The following ZNF385D variants were observed in gnomAD, a reference collection of about 807,000 sequenced individuals.
ZNF385D encodes the protein zinc finger protein 659.
A neutral mutation model predicts 35.8 loss-of-function variants in ZNF385D; 15 were observed. The ratio of observed to expected loss-of-function variants is 0.42; its 90% CI spans 0.28 to 0.64. ZNF385D has a LOEUF of 0.64. Ranked by LOEUF, ZNF385D falls within the 30% of genes least tolerant of loss-of-function variation. The pLI, the probability that ZNF385D is intolerant of heterozygous loss-of-function variation, is 0.23. For missense variants in ZNF385D, 474 were observed against 494.6 expected, an observed-to-expected ratio of 0.96 and a Z score of 0.39; for synonymous variants, 212 against 186.8, an observed-to-expected ratio of 1.13 and a Z score of -1.10.
At chr3:21,686,887 A>T (rs2125330701) in intron 1 of ZNF385D, among the ~76,000 whole-genome samples, 1 of 152,316 alleles carries the variant, frequency 6.6e-6, no homozygotes, top group Admixed American at 6.5e-5. Context: ...CCCTGGGACA[A>T]GTTAAATACA....
chr3:21,530,753 C>T (rs1340728482), intron 3 of ZNF385D, among the ~76,000 whole-genome samples: 1 of 152,126 alleles, frequency 6.6e-6, no homozygotes, highest in African/African-American at 2.4e-5. Context: ...GTACCCATCA[C>T]TGCTCTATGT....
intron 2 of ZNF385D, among the ~76,000 whole-genome samples, chr3:22,260,240 A>G (rs1197911334): frequency 6.6e-6 from 1 of 152,062 alleles, no homozygotes; most frequent in Non-Finnish European, 1.5e-5. Context: ...ACACAGGAAC[A>G]GAAAACCAAA....
chr3:21,731,005 T>C (rs2068970573), intron 1 of ZNF385D, among the ~76,000 whole-genome samples: 3 of 152,222 alleles, frequency 2.0e-5, no homozygotes, highest in Admixed American at 2.0e-4. Context: ...ATGATATGTC[T>C]AAGTAAACTT....
chr3:22,073,083 T>G (rs1290960543), intron 3 of ZNF385D, among the ~76,000 whole-genome samples: 2 of 151,932 alleles, frequency 1.3e-5, no homozygotes, highest in Non-Finnish European at 1.5e-5. Flanking sequence ...AGGAAAAATG[T>G]AGCAATCCAT....
intron 3 of ZNF385D, among the ~76,000 whole-genome samples, chr3:21,842,171 G>A (rs1281037595): frequency 1.3e-5 from 2 of 151,958 alleles, no homozygotes; most frequent in African/African-American, 4.8e-5. Context: ...AATTCAATAT[G>A]TAATCTTTTC....
At chr3:21,576,010 T>A (rs2125690955) in intron 2 of ZNF385D, among the ~76,000 whole-genome samples, 1 of 152,308 alleles carries the variant, frequency 6.6e-6, no homozygotes, top group South Asian at 2.1e-4. Context: ...CAATGGCATA[T>A]GGGAGAATGA....
chr3:21,602,170 T>C (rs1255928658), intron 2 of ZNF385D, among the ~76,000 whole-genome samples: 1 of 152,072 alleles, frequency 6.6e-6, no homozygotes, highest in Non-Finnish European at 1.5e-5. Context: ...TGGGACTTAT[T>C]CACTACCAGG....
At chr3:21,970,817 G>A (rs934924200) in intron 3 of ZNF385D, among the ~76,000 whole-genome samples, 2 of 151,818 alleles carry the variant, frequency 1.3e-5, no homozygotes, top group Non-Finnish European at 2.9e-5. Context: ...CAAGGAAGAA[G>A]AGAAAAGAAA....
chr3:21,536,425 CAT>C (rs1347951286), intron 3 of ZNF385D, among the ~76,000 whole-genome samples: 1 of 151,978 alleles, frequency 6.6e-6, no homozygotes, highest in Non-Finnish European at 1.5e-5. Context: ...CATTTATTGT[CAT>C]GGTGTGTAGG....
chr3:21,532,347 T>A lies in ZNF385D; in HGVS notation c.277-21324A>T, dbSNP rs569496287. Among the ~76,000 whole-genome samples, 3 of 152,278 alleles carry A rather than the reference T, an allele frequency of 2.0e-5. No homozygotes were observed. The East Asian group carries it at 5.8e-4, about 29-fold the overall frequency. On this transcript the variant is annotated intron_variant, in intron 3 of 7. Transcript: ENST00000281523. ...TTATTTATGCAACAAAATAGCATTG[T>A]AATATATCAGTGTGGGGGAGGGAAG...
At chr3:22,326,300 G>C (rs1694675077) in intron 2 of ZNF385D, among the ~76,000 whole-genome samples, 1 of 152,172 alleles carries the variant, frequency 6.6e-6, no homozygotes, top group African/African-American at 2.4e-5. Flanking sequence ...AATCTGAGAG[G>C]TAAGGGAGAA....
chr3:21,737,106 A>T (rs1575563039), intron 1 of ZNF385D, among the ~76,000 whole-genome samples: 1 of 152,020 alleles, frequency 6.6e-6, no homozygotes, highest in South Asian at 2.1e-4. Context: ...CGCCTGGATA[A>T]TTTTTGTATT....
chr3:21,727,779 A>G (rs977144398), intron 1 of ZNF385D, among the ~76,000 whole-genome samples: 1 of 152,216 alleles, frequency 6.6e-6, no homozygotes. Context: ...ATCTAGAACC[A>G]GAAATACCAT....
chr3:21,678,428 A>T (rs1319753494), intron 1 of ZNF385D, among the ~76,000 whole-genome samples: 1 of 152,072 alleles, frequency 6.6e-6, no homozygotes, highest in Non-Finnish European at 1.5e-5. Context: ...ACTCCCTCAC[A>T]GCTATTCTTC....
chr3:21,972,284 T>C (rs189741418), intron 3 of ZNF385D, among the ~76,000 whole-genome samples: 29 of 151,816 alleles, frequency 1.9e-4, no homozygotes, highest in Non-Finnish European at 3.5e-4. Context: ...TAGAAATCAT[T>C]TGGAAAGTAA....
intron 3 of ZNF385D, among the ~76,000 whole-genome samples, chr3:21,873,875 T>C (rs576227572): frequency 6.6e-6 from 1 of 152,232 alleles, no homozygotes; most frequent in African/African-American, 2.4e-5. Flanking sequence ...TCTTTAACTA[T>C]TTTTCTCTCC....
intron 2 of ZNF385D, among the ~76,000 whole-genome samples, chr3:21,604,727 CTGAG>C (rs2064424459): frequency 6.6e-6 from 1 of 151,820 alleles, no homozygotes; most frequent in Non-Finnish European, 1.5e-5. Context: ...TTGTAAGAGT[CTGAG>C]TGAACAGTGA....
In ZNF385D at chr3:22,187,992, G is replaced by C. The variant is rs912313627; in HGVS notation, c.107-18957C>G. Among the ~76,000 whole-genome samples, 10 of 152,154 alleles carry C rather than the reference G, an allele frequency of 6.6e-5. No homozygotes were observed. In the South Asian group the frequency reaches 8.3e-4, roughly 13 times the overall value. ...GCATGTCATTAAGTAAGTGGGTCTA[G>C]AAATCGTGCACCCTGTTAGAATTCA... On this transcript the variant is annotated intron_variant, in intron 2 of 5. Transcript: ENST00000494108.
chr3:22,114,979 T>G (rs929291397), intron 3 of ZNF385D, among the ~76,000 whole-genome samples: 1 of 152,074 alleles, frequency 6.6e-6, no homozygotes, highest in African/African-American at 2.4e-5. Flanking sequence ...GATCTTTGAC[T>G]TGGCAGCCTC....
Sources: gnomAD v4.1 joint callset for allele counts (sites outside exome capture counted in the v4.1 genomes callset) on GRCh38, gnomAD v4.1.1 for gene constraint, MANE v1.5 for transcripts, NCBI Gene and HGNC (gene_info 2026-07-23, HGNC 2026-07-21) for gene names.